Variants in MTA3 observed in about 807,000 individuals in gnomAD.
The protein encoded by MTA3 is metastasis-associated protein MTA3.
Under a neutral mutation model 83.5 loss-of-function variants are expected in MTA3, and 34 were observed. The observed-to-expected ratio is 0.41, with a 90% confidence interval of 0.31 to 0.54. The LOEUF is 0.54. MTA3 is among the 20% of genes least tolerant of loss of function. The probability of loss-of-function intolerance (pLI) is 0.33; values close to 1 mark genes in which losing one functional copy is unlikely to be tolerated. For synonymous variants in MTA3, 303 were observed against 252.7 expected (o/e 1.20, Z -1.89); for missense variants, 761 against 726.4 (o/e 1.05, Z -0.55).
chr2:42,537,815 C>A (rs1676318916), intron 2 of MTA3, among the ~76,000 whole-genome samples: 1 of 152,064 alleles, frequency 6.6e-6, no homozygotes, highest in South Asian at 2.1e-4. Context: ...TGGATGTGGT[C>A]ATTCTTTTTA....
intron 8 of MTA3, among the ~76,000 whole-genome samples, chr2:42,673,096 G>A (rs559694151): frequency 2.8e-5 from 4 of 142,916 alleles, no homozygotes; most frequent in Non-Finnish European, 4.6e-5. Context: ...ATCCACCCCC[G>A]CCCCCCTCTG....
At chr2:42,501,560 A>G (rs1217791814) in intron 2 of MTA3, among the ~76,000 whole-genome samples, 6 of 152,206 alleles carry the variant, frequency 3.9e-5, no homozygotes, top group South Asian at 2.1e-4. Flanking sequence ...AAGTTACCTA[A>G]CTGAACTTGA....
At chr2:42,658,071 C>CAAAAAAAAAAAAAAA (rs59628946) in intron 7 of MTA3, among the ~76,000 whole-genome samples, 1 of 51,916 alleles carries the variant, frequency 1.9e-5, no homozygotes, top group African/African-American at 7.9e-5. Context: ...GACTCTGTCT[C>CAAAAAAAAAAAAAAA]AAAAAAAAAA....
intron 5 of MTA3, among the ~76,000 whole-genome samples, chr2:42,642,893 C>T (rs1573442454): frequency 6.6e-6 from 1 of 152,130 alleles, no homozygotes; most frequent in South Asian, 2.1e-4. Context: ...GATCCGCCTG[C>T]CTCGGCCTCC....
intron 7 of MTA3, among the ~76,000 whole-genome samples, chr2:42,657,340 G>A (rs1223673724): frequency 6.6e-6 from 1 of 152,132 alleles, no homozygotes; most frequent in Non-Finnish European, 1.5e-5. Context: ...GGCATTTGGA[G>A]TCCAGAGCCC....
intron 11 of MTA3, among the ~76,000 whole-genome samples, chr2:42,701,505 G>A (rs1165150387): frequency 6.6e-6 from 1 of 152,032 alleles, no homozygotes; most frequent in African/African-American, 2.4e-5. Flanking sequence ...GCTGAGGTGG[G>A]AGTATCACCT....
At chr2:42,735,978 G>A (rs753863493) in intron 16 of MTA3, among the ~76,000 whole-genome samples, 1 of 152,166 alleles carries the variant, frequency 6.6e-6, no homozygotes, top group African/African-American at 2.4e-5. Flanking sequence ...TGTTTTCATG[G>A]ATGGTCTTGA....
At chr2:42,739,160 G>A (rs538376669) in intron 16 of MTA3, among the ~76,000 whole-genome samples, 1 of 152,032 alleles carries the variant, frequency 6.6e-6, no homozygotes. Flanking sequence ...GGCTTGTGGG[G>A]CATCACAGAT....
At chr2:42,570,386 A>G (rs919406453) in intron 1 of MTA3, 51 bp from the exon 2 acceptor site, 20 of 1,202,924 alleles carry the variant, frequency 1.7e-5, no homozygotes, top group Middle Eastern at 1.9e-4. Flanking sequence ...GGATTGACAA[A>G]TCTGAACTTT....
intron 4 of MTA3, among the ~76,000 whole-genome samples, chr2:42,612,156 A>AT (rs1558499215): frequency 6.6e-6 from 1 of 152,244 alleles, no homozygotes; most frequent in African/African-American, 2.4e-5. Context: ...GAGATGGAAC[A>AT]TAAAAACGTG....
intron 13 of MTA3, 47 bp downstream of exon 13, chr2:42,708,101 GTTGATTA>G (rs1446807194): frequency 6.4e-7 from 1 of 1,552,014 alleles, no homozygotes; most frequent in Non-Finnish European, 8.7e-7. Flanking sequence ...TTTTAAATGG[GTTGATTA>G]TTCCTTGGAA....
intron 6 of MTA3, among the ~76,000 whole-genome samples, chr2:42,644,887 C>T (rs886649943): frequency 6.6e-6 from 1 of 152,118 alleles, no homozygotes; most frequent in Non-Finnish European, 1.5e-5. Context: ...TTTCTCTCTC[C>T]TGGGGTCTCC....
At chr2:42,510,581 A>C (rs1264865739) in intron 2 of MTA3, among the ~76,000 whole-genome samples, 1 of 152,220 alleles carries the variant, frequency 6.6e-6, no homozygotes, top group Admixed American at 6.5e-5. Context: ...ATTATATCTT[A>C]ATGACACTGT....
chr2:42,682,493 A>C lies in MTA3; in HGVS notation c.795A>C (p.Arg265Ser). The C allele has an allele frequency of 6.2e-7, 1 of 1,612,542 alleles. No individual in the cohort carries two copies. The highest frequency in any genetic ancestry group is 8.5e-7 in the Non-Finnish European group (1 of 1,179,274). ...LVPLGGPVLC[R>S]DEMEEWSASE... ...CACTCGGAGGACCTGTTTTATGCAG[A>C]GATGAAATGGAGGAATGGTCAGCCT... Residue 265 changes from arginine (R) to serine (S), a missense_variant, in exon 9 of 17, where the codon AGA (arginine) becomes AGC (serine). By Grantham distance (110) the Arg-to-Ser change is moderately radical. Transcript: ENST00000405094.
chr2:42,731,387 G>A (rs1348531685), intron 16 of MTA3, among the ~76,000 whole-genome samples: 1 of 152,226 alleles, frequency 6.6e-6, no homozygotes, highest in Non-Finnish European at 1.5e-5. Flanking sequence ...GGAAGAAAAA[G>A]AGGTTTAATT....
At chr2:42,652,537 G>A (rs755781706) in intron 6 of MTA3, among the ~76,000 whole-genome samples, 1 of 152,046 alleles carries the variant, frequency 6.6e-6, no homozygotes, top group Non-Finnish European at 1.5e-5. Flanking sequence ...GTAGAGAGTG[G>A]GTCTCCCTGT....
chr2:42,586,201 A>G (rs754020140), intron 3 of MTA3, among the ~76,000 whole-genome samples: 21 of 151,198 alleles, frequency 1.4e-4, no homozygotes, highest in Non-Finnish European at 2.9e-4. Flanking sequence ...TTGAACCCGG[A>G]AGGTGGAGGT....
intron 15 of MTA3, 21 bp downstream of exon 15, chr2:42,719,095 G>GAAA: frequency 6.6e-7 from 1 of 1,513,946 alleles, no homozygotes; most frequent in Non-Finnish European, 9.0e-7. Context: ...TCTAATAGAG[G>GAAA]AAAAACTCAA....
intron 2 of MTA3, among the ~76,000 whole-genome samples, chr2:42,525,505 TCCCCTTCCTTTCTTC>T (rs1558414156): frequency 4.2e-5 from 3 of 71,470 alleles, no homozygotes; most frequent in African/African-American, 1.2e-4. Context: ...CTTCCTTCCT[TCCCCTTCCTTTCTTC>T]CCTTCCTTCC....
Sources: gnomAD v4.1 joint callset for allele counts (sites outside exome capture counted in the v4.1 genomes callset) on GRCh38, gnomAD v4.1.1 for gene constraint, MANE v1.5 for transcripts, NCBI Gene and HGNC (gene_info 2026-07-23, HGNC 2026-07-21) for gene names.